Variants in GPHN observed in about 807,000 individuals in gnomAD.
GPHN encodes gephyrin.
GPHN carries 17 observed loss-of-function variants against 95.5 expected under a neutral mutation model. That is an observed-to-expected ratio of 0.18 (90% CI 0.12 to 0.27). The LOEUF is 0.27. GPHN is among the 10% of genes least tolerant of loss of function. The probability of loss-of-function intolerance (pLI) is 1.00; values close to 1 mark genes in which losing one functional copy is unlikely to be tolerated. For synonymous variants in GPHN, 320 were observed against 322.5 expected (o/e 0.99, Z 0.08); for missense variants, 660 against 978.1 (o/e 0.67, Z 4.34).
chr14:67,268,083 TTC>T, the GPHN span, among the ~76,000 whole-genome samples: 1 of 152,220 alleles, frequency 6.6e-6, no homozygotes, highest in African/African-American at 2.4e-5. Context: ...ACATGTTTAT[TTC>T]TTTCTCTTGT....
intron 1 of GPHN, among the ~76,000 whole-genome samples, chr14:66,561,724 G>A (rs1299479492): frequency 1.3e-5 from 2 of 152,064 alleles, no homozygotes; most frequent in East Asian, 3.9e-4. Context: ...TATACTTTTA[G>A]TTTTCTATTG....
intron 9 of GPHN, among the ~76,000 whole-genome samples, chr14:66,981,731 G>T (rs1286934253): frequency 6.6e-6 from 1 of 152,102 alleles, no homozygotes; most frequent in African/African-American, 2.4e-5. Flanking sequence ...AGAAATGTTG[G>T]TTTAATCTAT....
chr14:67,599,269 A>G, the GPHN span, among the ~76,000 whole-genome samples: 1 of 152,180 alleles, frequency 6.6e-6, no homozygotes, highest in East Asian at 1.9e-4. Flanking sequence ...GAAAATTAGG[A>G]TAATTCTTTT....
the GPHN span, among the ~76,000 whole-genome samples, chr14:67,520,792 G>A: frequency 6.6e-6 from 1 of 152,118 alleles, no homozygotes; most frequent in African/African-American, 2.4e-5. Context: ...GCAGGTTTTT[G>A]TGTGGACATA....
At chr14:66,770,099 C>G (rs2059112351) in intron 2 of GPHN, among the ~76,000 whole-genome samples, 1 of 152,058 alleles carries the variant, frequency 6.6e-6, no homozygotes, top group Non-Finnish European at 1.5e-5. Flanking sequence ...AGCTTTTTCT[C>G]ATGATTGTTG....
chr14:67,648,159 A>G, the GPHN span: 1 of 1,613,984 alleles, frequency 6.2e-7, no homozygotes, highest in Non-Finnish European at 8.5e-7. Flanking sequence ...AGGCATGTAT[A>G]TTGCTGAGGA....
At chr14:67,244,867 G>T in the GPHN span, among the ~76,000 whole-genome samples, 1 of 152,180 alleles carries the variant, frequency 6.6e-6, no homozygotes, top group East Asian at 1.9e-4. Context: ...TTGCTAATCA[G>T]ATGACTTTAG....
the GPHN span, among the ~76,000 whole-genome samples, chr14:67,604,736 CCTAT>C: frequency 3.3e-5 from 5 of 152,086 alleles, no homozygotes; most frequent in South Asian, 1.0e-3. Context: ...AAAAACTTTG[CCTAT>C]CTTTTTTTTC....
chr14:67,007,969 C>G (rs1305271114), intron 9 of GPHN, among the ~76,000 whole-genome samples: 3 of 152,142 alleles, frequency 2.0e-5, no homozygotes, highest in Non-Finnish European at 2.9e-5. Context: ...CTTGTTCTAA[C>G]TTTCCCATTG....
intron 10 of GPHN, among the ~76,000 whole-genome samples, chr14:67,049,936 C>A (rs2075231737): frequency 6.6e-6 from 1 of 152,194 alleles, no homozygotes; most frequent in Non-Finnish European, 1.5e-5. Flanking sequence ...CGCACGCACA[C>A]ACATGCATGC....
At chr14:67,661,477 T>G in the GPHN span, among the ~76,000 whole-genome samples, 1 of 151,020 alleles carries the variant, frequency 6.6e-6, no homozygotes, top group Non-Finnish European at 1.5e-5. Flanking sequence ...ATGGTTAGAA[T>G]TACCTCTAAA....
At chr14:67,106,012 T>C (rs1012217669) in intron 13 of GPHN, among the ~76,000 whole-genome samples, 1 of 152,136 alleles carries the variant, frequency 6.6e-6, no homozygotes, top group Non-Finnish European at 1.5e-5. Flanking sequence ...CTTGTGTGTG[T>C]TTTTATGATA....
intron 1 of GPHN, among the ~76,000 whole-genome samples, chr14:66,607,167 G>A (rs981452962): frequency 6.6e-6 from 1 of 151,712 alleles, no homozygotes; most frequent in Non-Finnish European, 1.5e-5. Context: ...GTTTGTTGAG[G>A]GTTTTTATCA....
intron 1 of GPHN, among the ~76,000 whole-genome samples, chr14:66,592,204 A>G (rs12218983): frequency 6.6e-6 from 1 of 152,206 alleles, no homozygotes; most frequent in Non-Finnish European, 1.5e-5. Flanking sequence ...AAAACTCTAG[A>G]AGAAAACCTA....
chr14:67,105,341 T>A (rs556214477), intron 13 of GPHN, among the ~76,000 whole-genome samples: 1 of 152,272 alleles, frequency 6.6e-6, no homozygotes, highest in East Asian at 1.9e-4. Context: ...TAAATATCTG[T>A]TAGGTCCATT....
At chr14:67,183,668 A>G (rs1013843396), downstream of GPHN, among the ~76,000 whole-genome samples, 1 of 146,332 alleles carries the variant, frequency 6.8e-6, no homozygotes, top group Non-Finnish European at 1.5e-5. Context: ...GGTTCAAGCA[A>G]TTCTCCTGCC....
At chr14:67,095,596 G>GTT (rs548232966) in intron 12 of GPHN, among the ~76,000 whole-genome samples, 2,161 of 152,214 alleles carry the variant, frequency 0.014, 54 homozygotes, top group Admixed American at 0.057. Flanking sequence ...ATACTATGCA[G>GTT]CCATAAAAAA....
chr14:67,015,003 C>T (rs1203964014), intron 9 of GPHN, among the ~76,000 whole-genome samples: 3 of 152,136 alleles, frequency 2.0e-5, no homozygotes, highest in Non-Finnish European at 2.9e-5. Flanking sequence ...AACATTGATG[C>T]TTAAATTCAT....
chr14:66,884,075 A>C (rs2064061514), intron 5 of GPHN, among the ~76,000 whole-genome samples: 1 of 152,126 alleles, frequency 6.6e-6, no homozygotes, highest in African/African-American at 2.4e-5. Context: ...CCTTTGGGAC[A>C]AAGAGCAAAA....
Sources: gnomAD v4.1 joint callset for allele counts (sites outside exome capture counted in the v4.1 genomes callset) on GRCh38, gnomAD v4.1.1 for gene constraint, MANE v1.5 for transcripts, NCBI Gene and HGNC (gene_info 2026-07-23, HGNC 2026-07-21) for gene names.